The following HOMER1 variants were observed in gnomAD, a reference collection of about 807,000 sequenced individuals.
HOMER1 encodes homer protein homolog 1.
HOMER1 carries 3 observed loss-of-function variants against 48.9 expected under a neutral mutation model. That is an observed-to-expected ratio of 0.06 (90% confidence interval 0.03 to 0.16). The LOEUF is 0.16. Ranked by LOEUF, HOMER1 falls within the 10% of genes least tolerant of loss-of-function variation. The probability of loss-of-function intolerance (pLI) is 1.00; values close to 1 mark genes in which losing one functional copy is unlikely to be tolerated. For synonymous variants in HOMER1, 134 were observed against 146.4 expected, an observed-to-expected ratio of 0.92 and a Z score of 0.61; for missense variants, 247 against 411.4, an observed-to-expected ratio of 0.60 and a Z score of 3.46.
At chr5:79,435,075 T>G (rs761959320) in intron 5 of HOMER1, among the ~76,000 whole-genome samples, 9 of 152,206 alleles carry the variant, frequency 5.9e-5, no homozygotes, top group Non-Finnish European at 1.0e-4. Flanking sequence ...TAGGAGTTCA[T>G]TATAGTATTT....
rs184549427 is a variant in HOMER1 at position 79,499,229 on chromosome 5, T to A, written c.5+13541A>T. Reference sequence around the variant, plus strand: ...ACTCTTTAGAAAACTAGAGCCTGCCTATGTATTATGTAAATAGATGCATAA... The same window carrying A: ...ACTCTTTAGAAAACTAGAGCCTGCCAATGTATTATGTAAATAGATGCATAA... On this transcript the variant is annotated intron_variant, in intron 1 of 8. Coordinates refer to ENST00000334082, the MANE Select transcript of HOMER1 (RefSeq NM_004272.5). Among the ~76,000 whole-genome samples, 147 of 152,308 alleles carry A rather than the reference T, an allele frequency of 9.7e-4. 1 individual carries two copies. Among genetic ancestry groups the A allele is most frequent in the African/African-American group, 3.4e-3 (140 of 41,560 alleles).
At chr5:79,379,115 A>ATATAT (rs1349080228) in intron 8 of HOMER1, among the ~76,000 whole-genome samples, 700 of 55,564 alleles carry the variant, frequency 0.013, 58 homozygotes, top group Admixed American at 0.017. Flanking sequence ...TATATATATA[A>ATATAT]AATATATAAA....
At chr5:79,388,025 C>T (rs995748619) in intron 8 of HOMER1, among the ~76,000 whole-genome samples, 1 of 151,976 alleles carries the variant, frequency 6.6e-6, no homozygotes, top group East Asian at 1.9e-4. Context: ...GGGGCAATGC[C>T]CAGAAGAGTA....
At chr5:79,462,870 C>T (rs1308491613) in intron 1 of HOMER1, among the ~76,000 whole-genome samples, 1 of 152,090 alleles carries the variant, frequency 6.6e-6, no homozygotes, top group Admixed American at 6.5e-5. Flanking sequence ...CAATCAAACT[C>T]AAGGAAAGGA....
intron 6 of HOMER1, among the ~76,000 whole-genome samples, chr5:79,401,247 T>C (rs957814040): frequency 2.0e-5 from 3 of 152,182 alleles, no homozygotes; most frequent in African/African-American, 7.2e-5. Flanking sequence ...CAAATTTTCA[T>C]AGGAATTGTA....
In HOMER1 at chr5:79,373,776, T is replaced by C. The variant is rs895178411; in HGVS notation, c.*2233A>G. ...TAAAAAAGGAAACAATTAGGCTCTA[T>C]TGGACAAGAAAAACACTCACAAAAT... On this transcript the variant is annotated 3_prime_UTR_variant, in exon 9 of 9. Coordinates refer to ENST00000334082, the MANE Select transcript of HOMER1 (RefSeq NM_004272.5). The C allele has an allele frequency of 1.3e-5, 2 of 151,982 alleles. No individual in the cohort carries two copies. The highest frequency in any genetic ancestry group is 4.8e-5 in the African/African-American group (2 of 41,420). The allele number at this position is 151,982 out of a possible 1,614,324, so 9.4% of individuals were successfully genotyped here. A position where few individuals can be genotyped will look rare whatever the true frequency, so the allele number is the denominator to read the frequency against.
At chr5:79,424,555 C>A (rs555887030) in intron 5 of HOMER1, among the ~76,000 whole-genome samples, 1 of 151,992 alleles carries the variant, frequency 6.6e-6, no homozygotes, top group South Asian at 2.1e-4. Flanking sequence ...TAGAAACTAC[C>A]CACAAGAGTT....
At chr5:79,424,968 A>G (rs538608090) in intron 5 of HOMER1, among the ~76,000 whole-genome samples, 362 of 152,202 alleles carry the variant, frequency 2.4e-3, no homozygotes, top group African/African-American at 8.4e-3. Context: ...GATAGCTTAA[A>G]TGCTATCTAG....
intron 1 of HOMER1, 96 bp from the exon 2 acceptor site, chr5:79,457,114 C>A: frequency 1.8e-6 from 2 of 1,135,006 alleles, no homozygotes; most frequent in South Asian, 1.3e-5. Context: ...TCTGCTTAAT[C>A]AACAATTTCC....
chr5:79,491,333 C>G (rs73124189), intron 1 of HOMER1, among the ~76,000 whole-genome samples: 12,619 of 145,090 alleles, frequency 0.087, 1,197 homozygotes, highest in East Asian at 0.25. Flanking sequence ...AGGCAAGAGG[C>G]GAGGTAGGAG....
intron 1 of HOMER1, among the ~76,000 whole-genome samples, chr5:79,461,027 C>G (rs1291850368): frequency 6.6e-6 from 1 of 152,118 alleles, no homozygotes; most frequent in Non-Finnish European, 1.5e-5. Context: ...GGATGTAGAA[C>G]TCTTGGGCCA....
At chr5:79,392,988 A>AGAGAGAGAGAGAGAGAGAGG (rs56107183) in intron 8 of HOMER1, among the ~76,000 whole-genome samples, 1 of 134,670 alleles carries the variant, frequency 7.4e-6, no homozygotes, top group South Asian at 2.4e-4. Flanking sequence ...AGAGAGAGAG[A>AGAGAGAGAGAGAGAGAGAGG]AGAGAGCCAT....
At chr5:79,421,202 T>C (rs906975825) in intron 5 of HOMER1, among the ~76,000 whole-genome samples, 1 of 152,230 alleles carries the variant, frequency 6.6e-6, no homozygotes, top group African/African-American at 2.4e-5. Context: ...GTTACAAGTT[T>C]CAACTTTCTA....
chr5:79,458,276 T>C (rs1196321164), intron 1 of HOMER1, among the ~76,000 whole-genome samples: 1 of 152,112 alleles, frequency 6.6e-6, no homozygotes, highest in Non-Finnish European at 1.5e-5. Flanking sequence ...AAGCAGCATT[T>C]ATCAAGCTTG....
chr5:79,464,039 AG>A (rs1166737780), intron 1 of HOMER1, among the ~76,000 whole-genome samples: 2 of 152,198 alleles, frequency 1.3e-5, no homozygotes, highest in Admixed American at 6.5e-5. Flanking sequence ...CTTATCCTTT[AG>A]GTATTGTTTA....
At chr5:79,403,397 C>T (rs572323530) in intron 5 of HOMER1, among the ~76,000 whole-genome samples, 14 of 152,170 alleles carry the variant, frequency 9.2e-5, no homozygotes, top group Admixed American at 7.2e-4. Flanking sequence ...AAGTTTATCA[C>T]CAGAAATATG....
chr5:79,506,543 G>T (rs1752772942), intron 1 of HOMER1, among the ~76,000 whole-genome samples: 1 of 152,144 alleles, frequency 6.6e-6, no homozygotes, highest in African/African-American at 2.4e-5. Context: ...CTATGGAGAG[G>T]CGTGCTGTAA....
chr5:79,398,945 C>T (rs1385892379), intron 6 of HOMER1, among the ~76,000 whole-genome samples: 2 of 152,216 alleles, frequency 1.3e-5, no homozygotes, highest in Non-Finnish European at 2.9e-5. Flanking sequence ...AAAGCCATTC[C>T]TATCTGCTCA....
At chr5:79,396,380 TTC>T (rs918949212) in intron 8 of HOMER1, among the ~76,000 whole-genome samples, 3 of 151,922 alleles carry the variant, frequency 2.0e-5, no homozygotes, top group African/African-American at 7.2e-5. Flanking sequence ...TTTTCTTTCT[TTC>T]TCTCTCTCTT....
Sources: allele counts gnomAD v4.1 joint callset (sites outside exome capture counted in the v4.1 genomes callset), GRCh38; gene constraint gnomAD v4.1.1; transcripts MANE v1.5; gene names NCBI Gene and HGNC (gene_info 2026-07-23, HGNC 2026-07-21).